The following COL7A1 variants were observed in gnomAD, a reference collection of about 807,000 sequenced individuals.
The protein encoded by COL7A1 is collagen alpha-1(VII) chain.
COL7A1 carries 296 observed loss-of-function variants against 456.2 expected under a neutral mutation model. The ratio of observed to expected loss-of-function variants is 0.65; its 90% CI spans 0.59 to 0.71. COL7A1 has a LOEUF of 0.71. Ranked by LOEUF, COL7A1 falls within the 30% of genes least tolerant of loss-of-function variation. The pLI is 0.00. For missense variants in COL7A1, 3,441 were observed against 4,017.2 expected (o/e 0.86, Z 3.88); for synonymous variants, 1,464 against 1,525.9 (o/e 0.96, Z 0.95).
rs1191355157 is a variant in COL7A1 at position 48,566,157 on chromosome 3, A to C, written c.8407+110T>G. ...AGCACATGTGTCCTTCTGTGTATCC[A>C]TCCATCCCCCCATCTTCTTGACTGC... On this transcript the variant is annotated intron_variant, in intron 114 of 118. Transcript: ENST00000681320. This position sits in a 1 kb window ranked among gnomAD's most constrained non-coding sequence, Gnocchi z 5.9. 2 of 1,169,682 alleles carry C rather than the reference A, an allele frequency of 1.7e-6. No homozygotes were observed. Among genetic ancestry groups the C allele is most frequent in the Admixed American group, 4.0e-5 (2 of 50,432 alleles). The allele number at this position is 1,169,682 out of a possible 1,614,324, so 72.5% of individuals were successfully genotyped here. A position where few individuals can be genotyped will look rare whatever the true frequency, so the allele number is the denominator to read the frequency against.
In COL7A1 at chr3:48,572,088, T is replaced by C; in HGVS notation, c.7023+39A>G. 6.2e-7 allele frequency: 1 copy of C among 1,613,692 alleles called. No individual in the cohort carries two copies. Among genetic ancestry groups the C allele is most frequent in the Non-Finnish European group, 8.5e-7 (1 of 1,179,854 alleles). On this transcript the variant is annotated intron_variant, in intron 91 of 118. Transcript: ENST00000681320. This position sits in a 1 kb window ranked among gnomAD's most constrained non-coding sequence, Gnocchi z 4.6. ...TGAGGGGTGTCTGGACTGAGCCTTC[T>C]CTGCTCAGTAGTCAGGCCCCAGGGC...
At position 48,567,735 on chromosome 3, in the gene COL7A1, C is replaced by T; in HGVS notation, c.7958G>A (p.Gly2653Glu). 1.9e-6 allele frequency: 3 copies of T among 1,614,138 alleles called. No homozygotes were observed. Among genetic ancestry groups the T allele is most frequent in the Non-Finnish European group, 2.5e-6 (3 of 1,180,026 alleles). The change falls in exon 108 of 119, where the codon GGG becomes GAG. Residue 2653 changes from glycine to glutamate, a missense_variant. By Grantham distance (98) the Gly-to-Glu change is moderately conservative. Coordinates refer to ENST00000681320, the MANE Select transcript of COL7A1 (RefSeq NM_000094.4). The surrounding 1 kb of genome is among the most constrained non-coding windows in gnomAD (Gnocchi z 4.3). ...KGEAGPPGRP[G>E]LAGHKGEMGE... is the part of the protein sequence containing the mutation. ...CATCTCTCCTTTGTGTCCTGCCAGC[C>T]CGGGGCGGCCTGGGGGACCAGCTTC...
chr3:48,575,492 T>C lies in COL7A1; in HGVS notation c.6027A>G (p.Gly2009=). The C allele has an allele frequency of 6.2e-7, 1 of 1,612,300 alleles. No homozygotes were observed. Among genetic ancestry groups the C allele is most frequent in the Non-Finnish European group, 8.5e-7 (1 of 1,179,730 alleles). The change falls in exon 74 of 119, where the codon GGA becomes GGG. Residue 2009 remains glycine (G), a synonymous_variant. Coordinates refer to ENST00000681320, the MANE Select transcript of COL7A1 (RefSeq NM_000094.4). This position sits in a 1 kb window ranked among gnomAD's most constrained non-coding sequence, Gnocchi z 6.3. ...PGERGLKGDR[G]DPGPQGPPGL... is the part of the protein sequence containing the mutation. The stretch of plus-strand genomic sequence containing the variant: ...CAGGTGGCCCCTGAGGGCCAGGGTC[T>C]CCACGGTCGCCCTTCAGCCCGCGTT...
rs778139512 is a variant in COL7A1, at chr3:48,583,884, C to A, written c.4278+16G>T. The A allele has an allele frequency of 5.0e-6, 8 of 1,613,834 alleles. No homozygotes were observed. The highest frequency in any genetic ancestry group is 3.3e-4 in the Middle Eastern group (2 of 6,062). On this transcript the variant is annotated intron_variant, in intron 39 of 118. Transcript: ENST00000681320. This position sits in a 1 kb window ranked among gnomAD's most constrained non-coding sequence, Gnocchi z 5.1. ...CCCCTGAGCAGGGCCCCCAGCAGAG[C>A]CTCAAGGCCCCTCACCGGCAGCCCA...
Position 48,587,763 on chromosome 3 carries a change from G to T in COL7A1, c.2857+30C>A. 6.2e-7 allele frequency: 1 copy of T among 1,613,478 alleles called. No individual in the cohort carries two copies. The highest frequency in any genetic ancestry group is 8.5e-7 in the Non-Finnish European group (1 of 1,179,992). On this transcript the variant is annotated intron_variant, in intron 22 of 118. Coordinates refer to ENST00000681320, the MANE Select transcript of COL7A1 (RefSeq NM_000094.4). The surrounding 1 kb of genome is among the most constrained non-coding windows in gnomAD (Gnocchi z 6.1). ...AAGTCAGGGTGGGTCATCAGCAGGGGAGGAGCACGCCAAGGTGAGGCAGGC... is the reference window on the plus strand; with the variant it reads ...AAGTCAGGGTGGGTCATCAGCAGGGTAGGAGCACGCCAAGGTGAGGCAGGC...
Position 48,581,756 on chromosome 3 carries a change from C to A in COL7A1, c.4672G>T (p.Asp1558Tyr). The change falls in exon 49 of 119, where the codon GAT (aspartate) becomes TAT (tyrosine). Residue 1558 changes from aspartate to tyrosine, a missense_variant. Asp to Tyr is a radical substitution (Grantham distance 160, BLOSUM62 -3). Around this residue, in one of 3 missense-constraint regions of COL7A1, gnomAD observed 2,084 missense variants for 2,501.3 expected, o/e 0.83. Coordinates refer to ENST00000681320, the MANE Select transcript of COL7A1 (RefSeq NM_000094.4). The surrounding 1 kb of genome is among the most constrained non-coding windows in gnomAD (Gnocchi z 5.8). ...CCTCTGGGCCCAGCGGGCCCCACATCTCCCTGGAGGTGACAAAGACCATCA... is the reference window on the plus strand; with the variant it reads ...CCTCTGGGCCCAGCGGGCCCCACATATCCCTGGAGGTGACAAAGACCATCA... ...AVAGPKGEKG[D>Y]VGPAGPRGAT... is the part of the protein sequence containing the mutation. The A allele has an allele frequency of 6.2e-7, 1 of 1,614,080 alleles. No individual in the cohort carries two copies. The highest frequency in any genetic ancestry group is 8.5e-7 in the Non-Finnish European group (1 of 1,180,014).
chr3:48,582,557 G>A (rs1373872585), intron 45 of COL7A1, 44 bp from the exon 46 acceptor site: 2 of 1,613,744 alleles, frequency 1.2e-6, no homozygotes, highest in Non-Finnish European at 8.5e-7. Context: ...AAGGGAAAGG[G>A]GAGGGACACA....
chr3:48,590,157 G>A lies in COL7A1; in HGVS notation c.2050+56C>T. The A allele has an allele frequency of 6.3e-7, 1 of 1,592,990 alleles. No homozygotes were observed. Among genetic ancestry groups the A allele is most frequent in the Non-Finnish European group, 8.6e-7 (1 of 1,168,212 alleles). On this transcript the variant is annotated intron_variant, in intron 16 of 118. Transcript: ENST00000681320. The surrounding 1 kb of genome is among the most constrained non-coding windows in gnomAD (Gnocchi z 4.6). ...AGCAAGGGTCTGCAAGGGAAGGCAT[G>A]GGGGTCTGAAAGAGCAATGGAGGCA...
chr3:48,576,356 G>A (rs984332210), intron 70 of COL7A1, 44 bp downstream of exon 70: 11 of 1,613,792 alleles, frequency 6.8e-6, no homozygotes, highest in African/African-American at 1.3e-5. Flanking sequence ...TGCACATGTG[G>A]GTGCTGTGGC....
chr3:48,592,938 G>A lies in COL7A1; in HGVS notation c.683C>T (p.Pro228Leu), dbSNP rs777688853. The part of the protein sequence containing the change: ...TAGGVPVTRP[P>L]DDSTSAPRDL... ...TCGTGGAGCAGAGGTCGAGTCATCC[G>A]CTGGGAATGCGGGATCAGGGGATCA... Residue 228 changes from proline (P) to leucine (L), a missense_variant and splice_region_variant, in exon 7 of 119, where the codon CCG (proline) becomes CTG (leucine). By Grantham distance (98) the Pro-to-Leu change is moderately conservative. Transcript: ENST00000681320. This position sits in a 1 kb window ranked among gnomAD's most constrained non-coding sequence, Gnocchi z 7.6. The A allele has an allele frequency of 3.8e-5, 62 of 1,613,534 alleles. No individual in the cohort carries two copies. The highest frequency in any genetic ancestry group is 1.6e-4 in the Middle Eastern group (1 of 6,082).
Position 48,570,009 on chromosome 3 carries a change from A to G in COL7A1, c.7486-94T>C, listed in dbSNP as rs1331755146. 6.3e-7 allele frequency: 1 copy of G among 1,599,162 alleles called. No homozygotes were observed. Among genetic ancestry groups the G allele is most frequent in the Non-Finnish European group, 8.6e-7 (1 of 1,167,800 alleles). On this transcript the variant is annotated intron_variant, in intron 99 of 118. Coordinates refer to ENST00000681320, the MANE Select transcript of COL7A1 (RefSeq NM_000094.4). The surrounding 1 kb of genome is among the most constrained non-coding windows in gnomAD (Gnocchi z 5.5). ...AGGAGGGAAACAGTGGGGACCAGAC[A>G]AAGGGGACAGGGGTAGACGAGGAGG...
chr3:48,580,553 G>C lies in COL7A1; in HGVS notation c.5052+28C>G, dbSNP rs1419715833. On this transcript the variant is annotated intron_variant, in intron 55 of 118. Coordinates refer to ENST00000681320, the MANE Select transcript of COL7A1 (RefSeq NM_000094.4). This position sits in a 1 kb window ranked among gnomAD's most constrained non-coding sequence, Gnocchi z 4.5. ...TTGGCTGGTTGGAGGGTTAAGGTTG[G>C]GGTGAGGAGTCATAGGCTGGGACTC... 3.1e-6 allele frequency: 5 copies of C among 1,609,836 alleles called. No homozygotes were observed. In the African/African-American group the frequency reaches 6.7e-5, roughly 22 times the overall value.
chr3:48,583,880 A>G lies in COL7A1; in HGVS notation c.4278+20T>C, dbSNP rs1236843629. 6.2e-7 allele frequency: 1 copy of G among 1,613,840 alleles called. No individual in the cohort carries two copies. Among genetic ancestry groups the G allele is most frequent in the Admixed American group, 1.7e-5 (1 of 60,030 alleles). ...CACACCCCTGAGCAGGGCCCCCAGC[A>G]GAGCCTCAAGGCCCCTCACCGGCAG... On this transcript the variant is annotated intron_variant, in intron 39 of 118. Coordinates refer to ENST00000681320, the MANE Select transcript of COL7A1 (RefSeq NM_000094.4). The surrounding 1 kb of genome is among the most constrained non-coding windows in gnomAD (Gnocchi z 5.1).
In COL7A1 at chr3:48,581,083, G is replaced by A. The variant is rs1300111661; in HGVS notation, c.4935+39C>T. The A allele has an allele frequency of 6.2e-7, 1 of 1,612,324 alleles. No individual in the cohort carries two copies. Among genetic ancestry groups the A allele is most frequent in the Non-Finnish European group, 8.5e-7 (1 of 1,178,612 alleles). ...CCAGCCTACTGGGATCCTAGTTCAA[G>A]GGTAAAGGATCAGAAACCACAGTGG... On this transcript the variant is annotated intron_variant, in intron 53 of 118. Transcript: ENST00000681320. The surrounding 1 kb of genome is among the most constrained non-coding windows in gnomAD (Gnocchi z 5.8).
In COL7A1 at chr3:48,593,786, T is replaced by C. The variant is rs766173087; in HGVS notation, c.267-90A>G. ...AGGCCTCTAGGGTGAGGGTTACGGG[T>C]ATCAGGCTCTCTTGAGGGGTCCCTT... On this transcript the variant is annotated intron_variant, in intron 3 of 118. Transcript: ENST00000681320. This position sits in a 1 kb window ranked among gnomAD's most constrained non-coding sequence, Gnocchi z 4.4. 4.5e-4 allele frequency: 675 copies of C among 1,490,462 alleles called. 1 individual carries two copies. The highest frequency in any genetic ancestry group is 6.1e-4 in the Non-Finnish European group (647 of 1,068,624). The allele number at this position is 1,490,462 out of a possible 1,614,324, so 92.3% of individuals were successfully genotyped here. A position where few individuals can be genotyped will look rare whatever the true frequency, so the allele number is the denominator to read the frequency against.
Position 48,581,230 on chromosome 3 carries a change from G to T in COL7A1, c.4899+30C>A, listed in dbSNP as rs770039099. The T allele has an allele frequency of 6.2e-6, 10 of 1,611,840 alleles. No homozygotes were observed. The highest frequency in any genetic ancestry group is 8.5e-6 in the Non-Finnish European group (10 of 1,179,134). The stretch of plus-strand genomic sequence containing the variant: ...TGGCAACAGCCCTACTCCCTTACCC[G>T]CCATGACTCCCCCGACTCCAGCCTC... On this transcript the variant is annotated intron_variant, in intron 52 of 118. Transcript: ENST00000681320. The surrounding 1 kb of genome is among the most constrained non-coding windows in gnomAD (Gnocchi z 5.8).
chr3:48,583,450 G>A lies in COL7A1; in HGVS notation c.4402-22C>T. 6.2e-7 allele frequency: 1 copy of A among 1,614,170 alleles called. No homozygotes were observed. The highest frequency in any genetic ancestry group is 8.5e-7 in the Non-Finnish European group (1 of 1,180,028). On this transcript the variant is annotated intron_variant, in intron 41 of 118. Coordinates refer to ENST00000681320, the MANE Select transcript of COL7A1 (RefSeq NM_000094.4). The surrounding 1 kb of genome is among the most constrained non-coding windows in gnomAD (Gnocchi z 5.1). ...GGCCCTGGAAGGGATGAATTTGGGG[G>A]TTCAGAGATTTGGGTTTGGGCATGA...
chr3:48,583,197 C>CAG lies in COL7A1; in HGVS notation c.4438-28_4438-27dup, dbSNP rs759543265. 4 of 1,612,022 alleles carry CAG rather than the reference C, an allele frequency of 2.5e-6. No individual in the cohort carries two copies. The highest frequency in any genetic ancestry group is 1.1e-5 in the South Asian group (1 of 91,012). On this transcript the variant is annotated intron_variant, in intron 42 of 118. Coordinates refer to ENST00000681320, the MANE Select transcript of COL7A1 (RefSeq NM_000094.4). This position sits in a 1 kb window ranked among gnomAD's most constrained non-coding sequence, Gnocchi z 5.1. ...CTGAAGAGAGAGGGTGAGAGAAAGA[C>CAG]AGAGAGAGAGAGGGTTGGTGGCGGG...
chr3:48,579,874 G>C lies in COL7A1; in HGVS notation c.5125-60C>G. On this transcript the variant is annotated intron_variant, in intron 57 of 118. Transcript: ENST00000681320. This position sits in a 1 kb window ranked among gnomAD's most constrained non-coding sequence, Gnocchi z 4.4. ...AACAAGGGGAAGAGGAGTTGGCGAG[G>C]GGATACAGGGTCTGTGAGGGGCTCC... The C allele has an allele frequency of 6.2e-7, 1 of 1,612,954 alleles. No individual in the cohort carries two copies. Among genetic ancestry groups the C allele is most frequent in the East Asian group, 2.2e-5 (1 of 44,856 alleles).
Sources: allele counts gnomAD v4.1 joint callset, GRCh38; gene constraint gnomAD v4.1.1; regional missense constraint gnomAD v4.1.1; non-coding constraint Gnocchi (gnomAD v3.1); transcripts MANE v1.5; gene names NCBI Gene and HGNC (gene_info 2026-07-23, HGNC 2026-07-21).